The following IPO7 variants were observed in gnomAD, a reference collection of about 807,000 sequenced individuals.
IPO7 encodes importin-7.
In IPO7, 13 loss-of-function variants were observed where a neutral mutation model predicts 136.4. That is an observed-to-expected ratio of 0.10 (90% CI 0.06 to 0.15). The LOEUF (loss-of-function observed/expected upper bound fraction) is 0.15. Ranked by LOEUF, IPO7 falls within the 10% of genes least tolerant of loss-of-function variation. IPO7 has a pLI of 1.00. For missense variants in IPO7, 857 were observed against 1,240.6 expected (o/e 0.69, Z 4.65); for synonymous variants, 403 against 404.4 (o/e 1.00, Z 0.04).
intron 1 of IPO7, among the ~76,000 whole-genome samples, chr11:9,392,652 C>T (rs747288422): frequency 6.6e-6 from 1 of 151,894 alleles, no homozygotes; most frequent in African/African-American, 2.4e-5. Context: ...AGAAATAATA[C>T]AAAGTTACAG....
At chr11:9,419,192 C>T (rs1342149215) in intron 6 of IPO7, among the ~76,000 whole-genome samples, 1 of 152,116 alleles carries the variant, frequency 6.6e-6, no homozygotes, top group Non-Finnish European at 1.5e-5. Flanking sequence ...ATTGCTTTCA[C>T]TAGCGATGTA....
chr11:9,433,921 C>T (rs1855334078), intron 18 of IPO7, 75 bp downstream of exon 18: 1 of 1,239,162 alleles, frequency 8.1e-7, no homozygotes, highest in Non-Finnish European at 1.1e-6. Context: ...TTTGAACATA[C>T]ACTTTTTTTT....
chr11:9,389,064 G>A (rs957874729), intron 1 of IPO7, among the ~76,000 whole-genome samples: 2 of 150,956 alleles, frequency 1.3e-5, no homozygotes, highest in Non-Finnish European at 2.9e-5. Context: ...ATTATTATTA[G>A]TATTTTTGTG....
At chr11:9,442,580 A>C (rs925865610) in intron 24 of IPO7, among the ~76,000 whole-genome samples, 3 of 151,922 alleles carry the variant, frequency 2.0e-5, no homozygotes, top group African/African-American at 7.3e-5. Context: ...CACCTGGCTA[A>C]TTTTTTGTAT....
At chr11:9,436,460 AT>A in intron 20 of IPO7, 94 bp downstream of exon 20, 1 of 780,132 alleles carries the variant, frequency 1.3e-6, no homozygotes, top group Non-Finnish European at 2.1e-6. Flanking sequence ...CATATTCTGT[AT>A]GTTTTTGTTT....
chr11:9,431,992 A>G (rs533821919), intron 16 of IPO7, among the ~76,000 whole-genome samples: 1 of 152,256 alleles, frequency 6.6e-6, no homozygotes, highest in East Asian at 1.9e-4. Flanking sequence ...AAAGAAAGAA[A>G]GAAAAAACAA....
At chr11:9,438,971 G>C (rs1027613454) in intron 22 of IPO7, among the ~76,000 whole-genome samples, 1 of 152,152 alleles carries the variant, frequency 6.6e-6, no homozygotes, top group Non-Finnish European at 1.5e-5. Context: ...GTCCACTTAA[G>C]AGCGAGAGAT....
intron 8 of IPO7, among the ~76,000 whole-genome samples, chr11:9,421,109 G>C (rs527570375): frequency 3.3e-5 from 5 of 151,956 alleles, no homozygotes; most frequent in African/African-American, 1.2e-4. Context: ...TTATAGGCAT[G>C]TGCCACCACA....
At chr11:9,394,037 C>G (rs565030878) in intron 1 of IPO7, among the ~76,000 whole-genome samples, 229 of 152,174 alleles carry the variant, frequency 1.5e-3, no homozygotes, top group African/African-American at 5.3e-3. Flanking sequence ...CGTGCGCCAC[C>G]ACGCCCAGCT....
intron 2 of IPO7, 22 bp from the exon 3 acceptor site, chr11:9,408,464 G>A (rs770287768): frequency 1.0e-5 from 15 of 1,429,260 alleles, no homozygotes; most frequent in Non-Finnish European, 1.1e-5. Flanking sequence ...ACATTCTTTT[G>A]TCAAACTGAT....
chr11:9,430,363 C>T (rs1855276212), intron 15 of IPO7: 1 of 155,100 alleles, frequency 6.4e-6, no homozygotes, highest in African/African-American at 2.4e-5. Flanking sequence ...ATTGCCTAAG[C>T]TAGGCAGGGT....
At chr11:9,424,354 A>AC (rs1004644564) in intron 10 of IPO7, among the ~76,000 whole-genome samples, 3 of 152,188 alleles carry the variant, frequency 2.0e-5, no homozygotes, top group African/African-American at 7.2e-5. Flanking sequence ...GAAAATTCTC[A>AC]CATCAGTAGT....
chr11:9,422,408 GT>G (rs983756723), intron 8 of IPO7, among the ~76,000 whole-genome samples: 13 of 145,836 alleles, frequency 8.9e-5, no homozygotes, highest in East Asian at 2.0e-4. Flanking sequence ...ACACAGTTTT[GT>G]TTTTTTTTTT....
chr11:9,441,538 C>T (rs191420352), intron 23 of IPO7, among the ~76,000 whole-genome samples: 43 of 152,244 alleles, frequency 2.8e-4, no homozygotes, highest in Admixed American at 2.1e-3. Flanking sequence ...AAGCCCATGA[C>T]AAGGCAGTTT....
intron 1 of IPO7, among the ~76,000 whole-genome samples, chr11:9,387,455 T>C (rs1381306551): frequency 1.3e-5 from 2 of 152,264 alleles, no homozygotes; most frequent in Non-Finnish European, 2.9e-5. Flanking sequence ...GAGGAGTTCC[T>C]TGACCATCAT....
intron 24 of IPO7, among the ~76,000 whole-genome samples, chr11:9,444,370 ATTAT>A (rs955924270): frequency 6.6e-5 from 10 of 151,338 alleles, no homozygotes; most frequent in African/African-American, 2.4e-4. Context: ...AATTAAAAAA[ATTAT>A]TTTATTTATT....
At chr11:9,399,424 G>T (rs1854762067) in intron 1 of IPO7, among the ~76,000 whole-genome samples, 1 of 152,138 alleles carries the variant, frequency 6.6e-6, no homozygotes, top group South Asian at 2.1e-4. Flanking sequence ...GCCTCCCAAA[G>T]TGCTGGGATT....
chr11:9,407,861 G>A (rs1429173238), intron 2 of IPO7, among the ~76,000 whole-genome samples: 1 of 152,128 alleles, frequency 6.6e-6, no homozygotes, highest in Non-Finnish European at 1.5e-5. Context: ...TAGCAGCCTG[G>A]ATTTTACCAC....
At chr11:9,426,920 A>G (rs1855218346) in intron 12 of IPO7, among the ~76,000 whole-genome samples, 1 of 138,182 alleles carries the variant, frequency 7.2e-6, no homozygotes, top group African/African-American at 2.6e-5. Flanking sequence ...CCCCCCCGCC[A>G]TATGCTGGAG....
Sources: allele counts gnomAD v4.1 joint callset (sites outside exome capture counted in the v4.1 genomes callset), GRCh38; gene constraint gnomAD v4.1.1; transcripts MANE v1.5; gene names NCBI Gene and HGNC (gene_info 2026-07-23, HGNC 2026-07-21).